RAB27B: variants seen among roughly 807,000 people sequenced by gnomAD.
RAB27B encodes the protein RAB27B, member RAS oncogene family.
A neutral mutation model predicts 24.6 loss-of-function variants in RAB27B; 15 were observed. That is an observed-to-expected ratio of 0.61 (90% CI 0.41 to 0.94). The LOEUF (loss-of-function observed/expected upper bound fraction) is 0.94. Among genes scored for constraint, RAB27B ranks in the 40% least tolerant of loss-of-function variants. The pLI is 0.00. For missense variants in RAB27B, 261 were observed against 266.8 expected (o/e 0.98, Z 0.15); for synonymous variants, 105 against 92.5 (o/e 1.14, Z -0.78).
chr18:54,806,679 T>C (rs1909800604), intron 2 of RAB27B, among the ~76,000 whole-genome samples: 1 of 151,414 alleles, frequency 6.6e-6, no homozygotes, highest in South Asian at 2.1e-4. Flanking sequence ...TTCAGGATGT[T>C]ATGTTAGTTA....
At chr18:54,839,025 A>G (rs867000037) in intron 1 of RAB27B, among the ~76,000 whole-genome samples, 14 of 152,302 alleles carry the variant, frequency 9.2e-5, no homozygotes, top group Middle Eastern at 3.4e-3. Context: ...TAAATATGGA[A>G]AAAGGATACA....
intron 2 of RAB27B, among the ~76,000 whole-genome samples, chr18:54,781,609 C>T (rs115722638): frequency 0.02 from 3,075 of 152,156 alleles, 110 homozygotes; most frequent in African/African-American, 0.07. Context: ...TTTCCTTTTG[C>T]AGCTTGCATC....
intron 2 of RAB27B, among the ~76,000 whole-genome samples, chr18:54,820,581 A>G (rs1910275185): frequency 6.6e-6 from 1 of 151,974 alleles, no homozygotes; most frequent in Non-Finnish European, 1.5e-5. Context: ...GTTCACTCTG[A>G]TGGTAGTTTC....
At chr18:54,788,446 G>C (rs574449641) in intron 2 of RAB27B, among the ~76,000 whole-genome samples, 2 of 152,286 alleles carry the variant, frequency 1.3e-5, no homozygotes, top group African/African-American at 4.8e-5. Flanking sequence ...GGGATTACAG[G>C]TGCCTGACAC....
chr18:54,827,730 G>C (rs1035529218), upstream of RAB27B, among the ~76,000 whole-genome samples: 8 of 152,198 alleles, frequency 5.3e-5, no homozygotes, highest in Admixed American at 4.6e-4. Flanking sequence ...TAAATCGGTT[G>C]TTATTATAAT....
intron 1 of RAB27B, among the ~76,000 whole-genome samples, chr18:54,866,314 A>G (rs962657374): frequency 7.3e-6 from 1 of 137,274 alleles, no homozygotes; most frequent in East Asian, 2.5e-4. Flanking sequence ...CCTGCGCTCC[A>G]ATATGGGGTC....
chr18:54,842,836 C>T (rs1957506853), intron 1 of RAB27B, among the ~76,000 whole-genome samples: 1 of 152,128 alleles, frequency 6.6e-6, no homozygotes, highest in African/African-American at 2.4e-5. Flanking sequence ...ATTCTGTTGG[C>T]CAGGTTGGAG....
At chr18:54,732,613 T>A (rs1182784823) in intron 2 of RAB27B, among the ~76,000 whole-genome samples, 1 of 152,098 alleles carries the variant, frequency 6.6e-6, no homozygotes, top group Admixed American at 6.6e-5. Context: ...AATCAACATG[T>A]GTAAAAGAAT....
chr18:54,778,371 C>T (rs969723635), intron 2 of RAB27B, among the ~76,000 whole-genome samples: 2 of 152,228 alleles, frequency 1.3e-5, no homozygotes, highest in Non-Finnish European at 2.9e-5. Flanking sequence ...ATGAAGGCAA[C>T]TGATCTTTGA....
chr18:54,827,162 A>G (rs1438266822), upstream of RAB27B, among the ~76,000 whole-genome samples: 1 of 152,240 alleles, frequency 6.6e-6, no homozygotes, highest in Non-Finnish European at 1.5e-5. Flanking sequence ...TTGAAAATCT[A>G]CAGGCTGAGC....
chr18:54,844,863 G>A (rs1382119653), intron 1 of RAB27B, among the ~76,000 whole-genome samples: 4 of 152,136 alleles, frequency 2.6e-5, no homozygotes, highest in African/African-American at 7.2e-5. Flanking sequence ...CGCTGGTTGG[G>A]TGTCTTTATG....
At position 54,828,696 on chromosome 18, in the gene RAB27B, G is replaced by A. The variant is rs1208641424; in HGVS notation, c.-24G>A. The A allele has an allele frequency of 6.6e-6, 1 of 152,328 alleles. No individual in the cohort carries two copies. Among genetic ancestry groups the A allele is most frequent in the East Asian group, 1.9e-4 (1 of 5,200 alleles). 9.4% of individuals were successfully genotyped at this position (152,328 alleles called of 1,614,324 possible). A position where few individuals can be genotyped will look rare whatever the true frequency, so the allele number is the denominator to read the frequency against. ...GCTCTCCCGGCAAGGAAACTTCGCA[G>A]GCTGGTGAGTTGGGAAGGCGGGCTG... On this transcript the variant is annotated 5_prime_UTR_variant, in exon 1 of 6. Transcript: ENST00000262094.
At chr18:54,771,590 T>TTG (rs1908550482) in intron 2 of RAB27B, among the ~76,000 whole-genome samples, 11 of 110,082 alleles carry the variant, frequency 1.0e-4, no homozygotes, top group African/African-American at 3.6e-4. Context: ...GCTGATAGTT[T>TTG]AGTGTGTGTG....
chr18:54,788,141 C>A (rs1909145869), intron 2 of RAB27B, among the ~76,000 whole-genome samples: 1 of 152,164 alleles, frequency 6.6e-6, no homozygotes, highest in Non-Finnish European at 1.5e-5. Context: ...TTAGCCCAGA[C>A]TGAATTTATA....
chr18:54,757,538 C>G (rs1833303), intron 2 of RAB27B, among the ~76,000 whole-genome samples: 78,426 of 151,928 alleles, frequency 0.52, 21,561 homozygotes, highest in Middle Eastern at 0.62. Context: ...CTGTTGATAT[C>G]TAATTTTATT....
At chr18:54,866,587 T>A (rs755573326) in intron 1 of RAB27B, among the ~76,000 whole-genome samples, 1 of 152,222 alleles carries the variant, frequency 6.6e-6, no homozygotes, top group Non-Finnish European at 1.5e-5. Context: ...CGTGACCCAC[T>A]GCGCCCGGCA....
At chr18:54,828,921 C>T (rs1910572558) in intron 1 of RAB27B, among the ~76,000 whole-genome samples, 3 of 152,130 alleles carry the variant, frequency 2.0e-5, no homozygotes, top group African/African-American at 7.2e-5. Flanking sequence ...ACCTGGCTCT[C>T]CTTGAGTGTT....
chr18:54,781,143 C>T (rs1018547700), intron 2 of RAB27B, among the ~76,000 whole-genome samples: 9 of 152,060 alleles, frequency 5.9e-5, no homozygotes, highest in Admixed American at 1.3e-4. Context: ...GTGGCTCCCT[C>T]CTACTCACCA....
In RAB27B at chr18:54,858,557, C is replaced by CT. The variant is rs567987421; in HGVS notation, c.-19-19003dup. On this transcript the variant is annotated intron_variant, in intron 1 of 5. Transcript: ENST00000262094. Reference sequence around the variant, plus strand: ...TGCCAGTACGCCCGGCTAATTTTTTCTTTTTTTATATATTTTTAGTAGAGA... The same window carrying CT: ...TGCCAGTACGCCCGGCTAATTTTTTCTTTTTTTTATATATTTTTAGTAGAGA... Among the ~76,000 whole-genome samples, 596 of 151,742 alleles carry CT rather than the reference C, an allele frequency of 3.9e-3. 3 individuals are homozygous for CT. The highest frequency in any genetic ancestry group is 0.014 in the African/African-American group (565 of 41,412).
Sources: allele counts gnomAD v4.1 joint callset (sites outside exome capture counted in the v4.1 genomes callset), GRCh38; gene constraint gnomAD v4.1.1; transcripts MANE v1.5; gene names NCBI Gene and HGNC (gene_info 2026-07-23, HGNC 2026-07-21).